DNAH6: variants seen among roughly 807,000 people sequenced by gnomAD.
DNAH6 encodes the protein dynein axonemal heavy chain 6, also known as axonemal beta dynein heavy chain 6.
DNAH6 carries 340 observed loss-of-function variants against 491.4 expected under a neutral mutation model. That is an observed-to-expected ratio of 0.69 (90% confidence interval 0.63 to 0.76). The LOEUF (loss-of-function observed/expected upper bound fraction) is 0.76. DNAH6 is among the 30% of genes least tolerant of loss of function. The pLI is 0.00. For missense variants in DNAH6, 4,443 were observed against 4,972.2 expected, an observed-to-expected ratio of 0.89 and a Z score of 3.20; for synonymous variants, 1,603 against 1,686.1, an observed-to-expected ratio of 0.95 and a Z score of 1.21.
intron 15 of DNAH6, among the ~76,000 whole-genome samples, chr2:84,586,174 A>G (rs1312705213): frequency 1.3e-5 from 2 of 152,208 alleles, no homozygotes; most frequent in African/African-American, 4.8e-5. Flanking sequence ...GGGTCTTCCC[A>G]TGCCCCCAAG....
intron 37 of DNAH6, among the ~76,000 whole-genome samples, chr2:84,665,062 C>T (rs1185500149): frequency 6.6e-6 from 1 of 152,142 alleles, no homozygotes; most frequent in Non-Finnish European, 1.5e-5. Context: ...AGAACAAAGA[C>T]ACAACATACC....
At chr2:84,812,243 G>A (rs1231808106) in intron 72 of DNAH6, 98 bp from the exon 73 acceptor site, 15 of 1,079,714 alleles carry the variant, frequency 1.4e-5, no homozygotes, top group South Asian at 3.2e-5. Context: ...AGCAACTGGC[G>A]CCTCCAGGCA....
At chr2:84,605,718 G>T in intron 20 of DNAH6, 126 bp downstream of exon 20, 2 of 584,446 alleles carry the variant, frequency 3.4e-6, no homozygotes, top group Non-Finnish European at 5.9e-6. Context: ...AATCTAATTG[G>T]GAAAGCAAAA....
At chr2:84,709,287 C>T in intron 54 of DNAH6, 56 bp from the exon 55 acceptor site, 3 of 1,525,224 alleles carry the variant, frequency 2.0e-6, no homozygotes, top group South Asian at 1.2e-5. Flanking sequence ...TTTGCATGTG[C>T]CCTCGTTTAC....
chr2:84,589,510 G>A (rs940329981), intron 16 of DNAH6, among the ~76,000 whole-genome samples: 6 of 152,002 alleles, frequency 3.9e-5, no homozygotes, highest in Non-Finnish European at 8.8e-5. Context: ...TCAGGAGTTC[G>A]AGACCAGCCT....
At chr2:84,515,507 T>A (rs942791580), upstream of DNAH6, among the ~76,000 whole-genome samples, 4 of 152,158 alleles carry the variant, frequency 2.6e-5, no homozygotes, top group Non-Finnish European at 4.4e-5. Context: ...AATACATAAC[T>A]GAATATGTTA....
At chr2:84,661,994 GC>G (rs1691550864) in intron 37 of DNAH6, among the ~76,000 whole-genome samples, 1 of 152,030 alleles carries the variant, frequency 6.6e-6, no homozygotes, top group Admixed American at 6.5e-5. Context: ...CTTCTGAGGT[GC>G]TGTACATGTT....
At chr2:84,629,906 A>G (rs147579189) in intron 29 of DNAH6, among the ~76,000 whole-genome samples, 5 of 152,324 alleles carry the variant, frequency 3.3e-5, no homozygotes, top group African/African-American at 1.2e-4. Context: ...TCATTGACCA[A>G]AGATGGGACA....
chr2:84,473,089 A>C, the DNAH6 span, among the ~76,000 whole-genome samples: 1 of 152,192 alleles, frequency 6.6e-6, no homozygotes, highest in Non-Finnish European at 1.5e-5. Flanking sequence ...TAAAAAGAGT[A>C]ACGGCCCCTT....
intron 64 of DNAH6, among the ~76,000 whole-genome samples, chr2:84,763,666 T>C (rs901118656): frequency 2.0e-5 from 3 of 151,692 alleles, no homozygotes; most frequent in Non-Finnish European, 2.9e-5. Flanking sequence ...CATTTGGAGT[T>C]CATGTTCTGT....
intron 62 of DNAH6, among the ~76,000 whole-genome samples, chr2:84,744,085 T>C (rs1209636578): frequency 6.6e-6 from 1 of 152,196 alleles, no homozygotes; most frequent in East Asian, 1.9e-4. Context: ...ATATAAATTA[T>C]AAATCTTGCA....
In DNAH6 at chr2:84,700,169, G is replaced by T. The variant is rs562049460; in HGVS notation, c.7818+435G>T. On this transcript the variant is annotated intron_variant, in intron 48 of 76. Transcript: ENST00000389394. ...GGCATGCATGTGTGCTGATGTAAATGATCCAGAAAAGATAAATATATGGAT... is the reference window on the plus strand; with the variant it reads ...GGCATGCATGTGTGCTGATGTAAATTATCCAGAAAAGATAAATATATGGAT... Among the ~76,000 whole-genome samples, 3 of 152,294 alleles carry T rather than the reference G, an allele frequency of 2.0e-5. No individual in the cohort carries two copies. In the East Asian group the frequency reaches 5.8e-4, roughly 29 times the overall value.
intron 60 of DNAH6, among the ~76,000 whole-genome samples, chr2:84,726,764 A>G (rs1263820604): frequency 6.7e-6 from 1 of 149,256 alleles, no homozygotes; most frequent in African/African-American, 2.5e-5. Context: ...CCTAAAACTT[A>G]AAGTATAATA....
chr2:84,596,769 T>C (rs77128224), intron 18 of DNAH6, among the ~76,000 whole-genome samples: 6,162 of 152,274 alleles, frequency 0.04, 401 homozygotes, highest in African/African-American at 0.14. Context: ...ATAATATTTT[T>C]CCCTTTAGCT....
intron 60 of DNAH6, among the ~76,000 whole-genome samples, chr2:84,723,341 A>T (rs1009635108): frequency 6.6e-6 from 1 of 152,076 alleles, no homozygotes; most frequent in Non-Finnish European, 1.5e-5. Context: ...ATAAAATTTG[A>T]ATTTTTTTTA....
At chr2:84,812,259 G>A (rs368856301) in intron 72 of DNAH6, 82 bp from the exon 73 acceptor site, 4 of 1,314,236 alleles carry the variant, frequency 3.0e-6, no homozygotes, top group South Asian at 1.5e-5. Context: ...AGGCAAGGCA[G>A]CCCCTGCTGT....
intron 37 of DNAH6, among the ~76,000 whole-genome samples, chr2:84,659,460 CAG>C (rs1691276363): frequency 6.6e-6 from 1 of 152,102 alleles, no homozygotes; most frequent in African/African-American, 2.4e-5. Context: ...GTGAAAGTAA[CAG>C]TGTGATTGGT....
chr2:84,708,237 A>G (rs529055201), intron 54 of DNAH6, among the ~76,000 whole-genome samples: 236 of 152,146 alleles, frequency 1.6e-3, no homozygotes, highest in African/African-American at 5.3e-3. Context: ...CAGGAGTTCA[A>G]GAGCAGCCTG....
At chr2:84,470,072 C>A in the DNAH6 span, among the ~76,000 whole-genome samples, 6 of 152,276 alleles carry the variant, frequency 3.9e-5, no homozygotes, top group Admixed American at 1.3e-4. Flanking sequence ...ACTCCACTTA[C>A]CCAAAGTCAG....
Sources: allele counts gnomAD v4.1 joint callset (sites outside exome capture counted in the v4.1 genomes callset), GRCh38; gene constraint gnomAD v4.1.1; transcripts MANE v1.5; gene names NCBI Gene and HGNC (gene_info 2026-07-23, HGNC 2026-07-21).